The following TLL2 variants were observed in gnomAD, a reference collection of about 807,000 sequenced individuals.
The protein encoded by TLL2 is tolloid like 2.
In TLL2, 106 loss-of-function variants were observed where a neutral mutation model predicts 123.0. That is an observed-to-expected ratio of 0.86 (90% confidence interval 0.74 to 1.01). The LOEUF is 1.01. Among genes scored for constraint, TLL2 ranks in the 50% least tolerant of loss-of-function variants. The pLI, the probability that TLL2 is intolerant of heterozygous loss-of-function variation, is 0.00. For synonymous variants in TLL2, 494 were observed against 516.8 expected (o/e 0.96, Z 0.60); for missense variants, 1,332 against 1,336.7 (o/e 1.00, Z 0.06).
chr10:96,443,823 A>G (rs1219472586), intron 3 of TLL2, among the ~76,000 whole-genome samples: 3 of 152,236 alleles, frequency 2.0e-5, no homozygotes, highest in African/African-American at 7.2e-5. Context: ...CTTATAAGTC[A>G]AAATATCCTT....
At chr10:96,371,187 G>C (rs553485124) in intron 19 of TLL2, among the ~76,000 whole-genome samples, 3 of 152,118 alleles carry the variant, frequency 2.0e-5, no homozygotes, top group Admixed American at 6.5e-5. Context: ...TAGGTGTGGT[G>C]GTGGGCGCCT....
intron 16 of TLL2, among the ~76,000 whole-genome samples, chr10:96,383,806 T>G (rs2134056681): frequency 8.5e-6 from 1 of 117,670 alleles, no homozygotes; most frequent in Middle Eastern, 4.7e-3. Flanking sequence ...TTTTTTTTTG[T>G]ATTTTTAGTA....
Position 96,432,955 on chromosome 10 carries a change from C to G in TLL2, c.372G>C (p.Arg124=). The G allele has an allele frequency of 6.2e-7, 1 of 1,613,124 alleles. No homozygotes were observed. Among genetic ancestry groups the G allele is most frequent in the Non-Finnish European group, 8.5e-7 (1 of 1,179,458 alleles). Residue 124 remains arginine (R), a synonymous_variant, in exon 4 of 21, where the codon CGG becomes CGC. Coordinates refer to ENST00000357947, the MANE Select transcript of TLL2 (RefSeq NM_012465.4). ...GGCTGTGCAGGAGTGTGGTATTCTCCCGGCCATCTGCAACACAGTCAGGTT... is the reference window on the plus strand; with the variant it reads ...GGCTGTGCAGGAGTGTGGTATTCTCGCGGCCATCTGCAACACAGTCAGGTT... The part of the protein sequence containing the change: ...TGTKEAGKDG[R]ENTTLLHSPG...
At chr10:96,499,202 C>T (rs901301171) in intron 1 of TLL2, among the ~76,000 whole-genome samples, 2 of 152,208 alleles carry the variant, frequency 1.3e-5, no homozygotes, top group Admixed American at 6.5e-5. Flanking sequence ...TCAGGAAAAC[C>T]ACTGGCACCA....
chr10:96,370,265 G>C lies in TLL2; in HGVS notation c.2713C>G (p.His905Asp), dbSNP rs1305956428. The stretch of plus-strand genomic sequence containing the variant: ...TAGTTGTTGTCCCCAAACTGGGCGT[G>C]GGAATAGAGCTCTTTGGTCTGCACT... ...AEVQTKELYS[H>D]AQFGDNNYPS... The change falls in exon 20 of 21, where the codon CAC becomes GAC. Residue 905 changes from histidine to aspartate, a missense_variant. Coordinates refer to ENST00000357947, the MANE Select transcript of TLL2 (RefSeq NM_012465.4). The C allele has an allele frequency of 6.2e-7, 1 of 1,610,596 alleles. No individual in the cohort carries two copies. Among genetic ancestry groups the C allele is most frequent in the Non-Finnish European group, 8.5e-7 (1 of 1,178,214 alleles).
intron 1 of TLL2, among the ~76,000 whole-genome samples, chr10:96,507,091 G>A (rs941207455): frequency 3.3e-5 from 5 of 152,066 alleles, no homozygotes; most frequent in African/African-American, 7.2e-5. Context: ...CCCTCCAAGA[G>A]GGGCCTGATA....
chr10:96,462,597 T>C (rs978504853), intron 2 of TLL2, among the ~76,000 whole-genome samples: 12 of 152,220 alleles, frequency 7.9e-5, no homozygotes, highest in Non-Finnish European at 1.3e-4. Flanking sequence ...CTCTATACTA[T>C]ACTGGTCACA....
chr10:96,397,846 A>AG (rs1846356602), intron 10 of TLL2, among the ~76,000 whole-genome samples: 1 of 152,192 alleles, frequency 6.6e-6, no homozygotes, highest in Non-Finnish European at 1.5e-5. Context: ...TAGCCGTAGG[A>AG]GGGTTCCTAG....
rs191972873 is a variant in TLL2 at position 96,444,997 on chromosome 10, G to A, written c.364+1094C>T. Among the ~76,000 whole-genome samples, 1,014 of 152,242 alleles carry A rather than the reference G, an allele frequency of 6.7e-3. 9 individuals are homozygous for A. Among genetic ancestry groups the A allele is most frequent in the African/African-American group, 0.023 (962 of 41,530 alleles). On this transcript the variant is annotated intron_variant, in intron 3 of 20. Coordinates refer to ENST00000357947, the MANE Select transcript of TLL2 (RefSeq NM_012465.4). ...GAGGTCAGCAGACCGAGACCATCCTGGCTAACACGGTGAAACCCCGTCTCT... is the reference window on the plus strand; with the variant it reads ...GAGGTCAGCAGACCGAGACCATCCTAGCTAACACGGTGAAACCCCGTCTCT...
intron 10 of TLL2, among the ~76,000 whole-genome samples, chr10:96,401,745 T>C (rs1247075017): frequency 6.6e-6 from 1 of 152,218 alleles, no homozygotes; most frequent in Non-Finnish European, 1.5e-5. Context: ...GTGCCCATTC[T>C]CAGGAACGTG....
At chr10:96,450,352 TCACC>T (rs1846945250) in intron 2 of TLL2, among the ~76,000 whole-genome samples, 2 of 131,890 alleles carry the variant, frequency 1.5e-5, no homozygotes, top group Non-Finnish European at 3.3e-5. Flanking sequence ...GCGATTTGAA[TCACC>T]TGGGAAGCCT....
chr10:96,416,712 G>A (rs773727973), intron 7 of TLL2, among the ~76,000 whole-genome samples: 11 of 152,218 alleles, frequency 7.2e-5, no homozygotes, highest in Non-Finnish European at 1.6e-4. Flanking sequence ...GGTGCTGGAC[G>A]TCCTCCCTTG....
intron 4 of TLL2, among the ~76,000 whole-genome samples, chr10:96,431,160 G>A (rs1412506441): frequency 1.3e-5 from 2 of 152,120 alleles, no homozygotes; most frequent in Non-Finnish European, 2.9e-5. Flanking sequence ...GGATACCAAG[G>A]AACAAAAGTC....
chr10:96,414,127 T>A (rs1846532564), intron 7 of TLL2, among the ~76,000 whole-genome samples: 1 of 152,190 alleles, frequency 6.6e-6, no homozygotes. Context: ...GTTGTGGGCA[T>A]GGTTTACATC....
chr10:96,494,938 C>A (rs1847455246), intron 1 of TLL2, among the ~76,000 whole-genome samples: 2 of 152,168 alleles, frequency 1.3e-5, no homozygotes. Flanking sequence ...CATGCCCTGC[C>A]CCACCCACTC....
intron 1 of TLL2, 137 bp from the exon 2 acceptor site, chr10:96,480,596 G>T: frequency 1.4e-6 from 1 of 692,434 alleles, no homozygotes; most frequent in Non-Finnish European, 2.6e-6. Context: ...TTCTCCTTGA[G>T]CCTAAGAGAT....
At chr10:96,408,520 G>A (rs1805899391) in intron 9 of TLL2, among the ~76,000 whole-genome samples, 1 of 152,178 alleles carries the variant, frequency 6.6e-6, no homozygotes, top group South Asian at 2.1e-4. Context: ...GCTGTGCAGA[G>A]CAATTCAATA....
intron 1 of TLL2, among the ~76,000 whole-genome samples, chr10:96,492,336 G>C (rs1323165918): frequency 6.6e-6 from 1 of 152,098 alleles, no homozygotes; most frequent in Non-Finnish European, 1.5e-5. Context: ...TCCAAAATCA[G>C]ATCCCTGCTA....
At chr10:96,408,792 A>G (rs919977485) in intron 9 of TLL2, among the ~76,000 whole-genome samples, 6 of 152,244 alleles carry the variant, frequency 3.9e-5, no homozygotes, top group African/African-American at 1.2e-4. Context: ...GTGTAATAAT[A>G]TAAGATGACA....
Sources: allele counts gnomAD v4.1 joint callset (sites outside exome capture counted in the v4.1 genomes callset), GRCh38; gene constraint gnomAD v4.1.1; transcripts MANE v1.5; gene names NCBI Gene and HGNC (gene_info 2026-07-23, HGNC 2026-07-21).